Variants in MAS1 observed in about 807,000 individuals in gnomAD.
MAS1 encodes proto-oncogene Mas.
For synonymous variants in MAS1, 163 were observed against 164.2 expected, an observed-to-expected ratio of 0.99 and a Z score of 0.05; for missense variants, 387 against 409.7, an observed-to-expected ratio of 0.94 and a Z score of 0.48.
chr6:159,897,249 G>T (rs1189847006), intron 1 of MAS1, among the ~76,000 whole-genome samples: 1 of 152,096 alleles, frequency 6.6e-6, no homozygotes, highest in Non-Finnish European at 1.5e-5. Context: ...TGGTCAGGTT[G>T]GAGGATGAAG....
chr6:159,904,374 C>T (rs908882020), intron 2 of MAS1, among the ~76,000 whole-genome samples: 9 of 152,208 alleles, frequency 5.9e-5, no homozygotes, highest in African/African-American at 2.2e-4. Context: ...GGCCTGGCTG[C>T]CTCACAGGCT....
Position 159,915,034 on chromosome 6 carries a change from G to A in MAS1, c.*7101G>A, listed in dbSNP as rs1037797905. The A allele has an allele frequency of 2.6e-5, 4 of 152,154 alleles. No individual in the cohort carries two copies. The highest frequency in any genetic ancestry group is 4.8e-5 in the African/African-American group (2 of 41,388). 9.4% of individuals were successfully genotyped at this position (152,154 alleles called of 1,614,324 possible). ...CCCAAAGTTCTGGTGAATTCAGGGT[G>A]GTGTTCTTGTCTTTGAATAGTTGGA... is the stretch of plus-strand genomic sequence containing the variant. On this transcript the variant is annotated 3_prime_UTR_variant, in exon 3 of 3. Coordinates refer to ENST00000674077, the MANE Select transcript of MAS1 (RefSeq NM_002377.4).
At chr6:159,898,660 C>CTCTTCCTCCTCCCTCCTCCTCCCTCTTCT (rs779611496) in intron 1 of MAS1, among the ~76,000 whole-genome samples, 23 of 103,924 alleles carry the variant, frequency 2.2e-4, no homozygotes, top group East Asian at 5.0e-4. Flanking sequence ...CTCCTCCTCC[C>CTCTTCCTCCTCCCTCCTCCTCCCTCTTCT]TCCTCCTTCC....
At chr6:159,894,578 G>A (rs1247507318) in intron 1 of MAS1, among the ~76,000 whole-genome samples, 1 of 152,162 alleles carries the variant, frequency 6.6e-6, no homozygotes, top group Non-Finnish European at 1.5e-5. Flanking sequence ...TCATCTCGGA[G>A]ACAAGAGGCG....
rs560266922 is a variant in MAS1, at chr6:159,909,901, A to G, written c.*1968A>G. On this transcript the variant is annotated 3_prime_UTR_variant, in exon 3 of 3. Coordinates refer to ENST00000674077, the MANE Select transcript of MAS1 (RefSeq NM_002377.4). Reference sequence around the variant, plus strand: ...GATAATGAATATAAAAATTATTCTAACCTTTTAAAATGATGCCTTACCAAG... The same window carrying G: ...GATAATGAATATAAAAATTATTCTAGCCTTTTAAAATGATGCCTTACCAAG... 6.6e-6 allele frequency: 1 copy of G among 152,312 alleles called. No homozygotes were observed. Among genetic ancestry groups the G allele is most frequent in the East Asian group, 1.9e-4 (1 of 5,182 alleles). The allele number at this position is 152,312 out of a possible 1,614,324, so 9.4% of individuals were successfully genotyped here.
chr6:159,907,849 T>G lies in MAS1; in HGVS notation c.894T>G (p.Val298=). ...KKRFKESLKV[V]LTRAFKDEMQ... is the part of the protein sequence containing the mutation. Reference sequence around the variant, plus strand: ...GATTCAAGGAGTCCTTAAAAGTTGTTCTGACCAGGGCTTTCAAAGATGAAA... The same window carrying G: ...GATTCAAGGAGTCCTTAAAAGTTGTGCTGACCAGGGCTTTCAAAGATGAAA... The change falls in exon 3 of 3, where the codon GTT becomes GTG. Residue 298 remains valine (V), a synonymous_variant. Coordinates refer to ENST00000674077, the MANE Select transcript of MAS1 (RefSeq NM_002377.4). The G allele has an allele frequency of 1.2e-6, 2 of 1,612,012 alleles. No individual in the cohort carries two copies. Among genetic ancestry groups the G allele is most frequent in the Non-Finnish European group, 1.7e-6 (2 of 1,179,674 alleles).
rs116204317 is a variant in MAS1, at chr6:159,908,287, G to A, written c.*354G>A. The A allele has an allele frequency of 2.5e-4, 41 of 167,290 alleles. No homozygotes were observed. The highest frequency in any genetic ancestry group is 8.3e-4 in the African/African-American group (35 of 42,098). The allele number at this position is 167,290 out of a possible 1,614,324, so 10.4% of individuals were successfully genotyped here. Reference sequence around the variant, plus strand: ...TGATGTAGCAGGAAGAACAAGGGTCGCTTCCTGTGTGACCTCAGGCAAGTT... The same window carrying A: ...TGATGTAGCAGGAAGAACAAGGGTCACTTCCTGTGTGACCTCAGGCAAGTT... On this transcript the variant is annotated 3_prime_UTR_variant, in exon 3 of 3. Transcript: ENST00000674077.
rs1298992715 is a variant in MAS1, at chr6:159,909,597, T to G, written c.*1664T>G. On this transcript the variant is annotated 3_prime_UTR_variant, in exon 3 of 3. Coordinates refer to ENST00000674077, the MANE Select transcript of MAS1 (RefSeq NM_002377.4). ...AGCAATGACATTTAGAATGATCTTG[T>G]TTTTGGTTGAAAACAGAGCATTTTC... 6.6e-6 allele frequency: 1 copy of G among 152,132 alleles called. No individual in the cohort carries two copies. Among genetic ancestry groups the G allele is most frequent in the Non-Finnish European group, 1.5e-5 (1 of 68,026 alleles). 9.4% of individuals were successfully genotyped at this position (152,132 alleles called of 1,614,324 possible).
At chr6:159,901,088 C>A (rs1020863304) in intron 2 of MAS1, among the ~76,000 whole-genome samples, 4 of 152,194 alleles carry the variant, frequency 2.6e-5, no homozygotes, top group Admixed American at 6.5e-5. Context: ...TCTGTCCGTA[C>A]ATGGCTTTTC....
chr6:159,896,975 G>A (rs1337112347), intron 1 of MAS1, among the ~76,000 whole-genome samples: 5 of 152,078 alleles, frequency 3.3e-5, no homozygotes, highest in African/African-American at 1.2e-4. Flanking sequence ...TCGGGTTCAC[G>A]CCATTCTCCT....
chr6:159,891,385 G>A (rs147300147), intron 1 of MAS1, among the ~76,000 whole-genome samples: 297 of 152,198 alleles, frequency 2.0e-3, no homozygotes, highest in African/African-American at 6.9e-3. Flanking sequence ...TCAACTTCAG[G>A]GTTGAAACTT....
chr6:159,907,162 C>T lies in MAS1; in HGVS notation c.207C>T (p.Tyr69=), dbSNP rs201287436. The T allele has an allele frequency of 1.4e-5, 23 of 1,614,250 alleles. No homozygotes were observed. The East Asian group carries it at 4.0e-4, about 28-fold the overall frequency. ...TGAGAAGAAATCCCTTCACTGTCTA[C>T]ATCACCCACCTGTCTATCGCAGACA... The part of the protein sequence containing the change: ...FRMRRNPFTV[Y]ITHLSIADIS... The change falls in exon 3 of 3, where the codon TAC becomes TAT. Residue 69 remains tyrosine, a synonymous_variant. Coordinates refer to ENST00000674077, the MANE Select transcript of MAS1 (RefSeq NM_002377.4).
At chr6:159,899,961 G>T (rs766084030) in intron 2 of MAS1, among the ~76,000 whole-genome samples, 1 of 152,118 alleles carries the variant, frequency 6.6e-6, no homozygotes, top group Non-Finnish European at 1.5e-5. Flanking sequence ...CAGGAGAATC[G>T]CTTGAACTCG....
intron 2 of MAS1, among the ~76,000 whole-genome samples, chr6:159,905,457 G>A (rs564719050): frequency 9.2e-5 from 14 of 152,340 alleles, no homozygotes; most frequent in African/African-American, 3.1e-4. Flanking sequence ...GTGTCAATGG[G>A]ATAGGTGTGA....
chr6:159,905,940 G>A (rs1782880554), intron 2 of MAS1, among the ~76,000 whole-genome samples: 1 of 152,130 alleles, frequency 6.6e-6, no homozygotes, highest in Non-Finnish European at 1.5e-5. Context: ...TACTCAGGAA[G>A]CTGAGGCAGG....
chr6:159,910,231 T>C lies in MAS1; in HGVS notation c.*2298T>C, dbSNP rs1470270046. 2.0e-5 allele frequency: 3 copies of C among 152,340 alleles called. No homozygotes were observed. The highest frequency in any genetic ancestry group is 7.2e-5 in the African/African-American group (3 of 41,556). The allele number at this position is 152,340 out of a possible 1,614,324, so 9.4% of individuals were successfully genotyped here. A position where few individuals can be genotyped will look rare whatever the true frequency, so the allele number is the denominator to read the frequency against. On this transcript the variant is annotated 3_prime_UTR_variant, in exon 3 of 3. Transcript: ENST00000674077. ...GTTTGTAGCATTCCTACTACAAAGATTCATGCACAGCCTTCTCTGCAGAAC... is the reference window on the plus strand; with the variant it reads ...GTTTGTAGCATTCCTACTACAAAGACTCATGCACAGCCTTCTCTGCAGAAC...
At chr6:159,897,475 T>C (rs778538246) in intron 1 of MAS1, among the ~76,000 whole-genome samples, 1 of 152,210 alleles carries the variant, frequency 6.6e-6, no homozygotes, top group South Asian at 2.1e-4. Flanking sequence ...TCTGGCTGCA[T>C]GACTCCTAAA....
intron 2 of MAS1, among the ~76,000 whole-genome samples, chr6:159,904,908 G>A (rs559739786): frequency 6.6e-6 from 1 of 152,066 alleles, no homozygotes; most frequent in Admixed American, 6.6e-5. Context: ...CTTTTGCCTG[G>A]AATACTTTTC....
Position 159,916,383 on chromosome 6 carries a change from T to G in MAS1, c.*8450T>G, listed in dbSNP as rs1783024492. ...GTTAGTGTTTAGTAGGAACTGAATT[T>G]CAGTTTGAGGAGATGAAAATGTTCT... On this transcript the variant is annotated 3_prime_UTR_variant, in exon 3 of 3. Coordinates refer to ENST00000674077, the MANE Select transcript of MAS1 (RefSeq NM_002377.4). The G allele has an allele frequency of 6.6e-6, 1 of 152,116 alleles. No individual in the cohort carries two copies. The highest frequency in any genetic ancestry group is 6.6e-5 in the Admixed American group (1 of 15,258). 9.4% of individuals were successfully genotyped at this position (152,116 alleles called of 1,614,324 possible).
Sources: gnomAD v4.1 joint callset for allele counts (sites outside exome capture counted in the v4.1 genomes callset) on GRCh38, gnomAD v4.1.1 for gene constraint, MANE v1.5 for transcripts, NCBI Gene and HGNC (gene_info 2026-07-23, HGNC 2026-07-21) for gene names.